KHDRBS3: variants seen among roughly 807,000 people sequenced by gnomAD.
KHDRBS3 encodes KH RNA binding domain containing, signal transduction associated 3, also known as KH domain-containing, RNA-binding, signal transduction-associated protein 3.
Under a neutral mutation model 45.6 loss-of-function variants are expected in KHDRBS3, and 23 were observed. That is an observed-to-expected ratio of 0.50 (90% confidence interval 0.36 to 0.72). The LOEUF (loss-of-function observed/expected upper bound fraction) is 0.72. Among genes scored for constraint, KHDRBS3 ranks in the 30% least tolerant of loss-of-function variants. The pLI is 0.00. For missense variants in KHDRBS3, 352 were observed against 424.8 expected (o/e 0.83, Z 1.51); for synonymous variants, 162 against 156.5 (o/e 1.04, Z -0.26).
At chr8:135,462,402 C>T (rs1036710753) in intron 1 of KHDRBS3, among the ~76,000 whole-genome samples, 2 of 152,162 alleles carry the variant, frequency 1.3e-5, no homozygotes, top group South Asian at 4.1e-4. Flanking sequence ...CATGCTGGTT[C>T]TCTGTGTTGG....
At position 135,603,867 on chromosome 8, in the gene KHDRBS3, T is replaced by C. The variant is rs144671058; in HGVS notation, c.808-3088T>C. Among the ~76,000 whole-genome samples, 895 of 152,256 alleles carry C rather than the reference T, an allele frequency of 5.9e-3. 4 individuals are homozygous for C. The highest frequency in any genetic ancestry group is 0.02 in the African/African-American group (839 of 41,574). On this transcript the variant is annotated intron_variant, in intron 6 of 8. Transcript: ENST00000355849. ...ATGTTTCATGCGCAGTGGAGAAGAA[T>C]GTGTATTCGGTTCTTTTTGAGTAGT...
At chr8:135,644,647 C>G (rs1019014244) in intron 7 of KHDRBS3, among the ~76,000 whole-genome samples, 8 of 152,188 alleles carry the variant, frequency 5.3e-5, no homozygotes, top group African/African-American at 1.9e-4. Context: ...CCTCCTCCCC[C>G]ACTCCCACAG....
chr8:135,590,615 A>G (rs1828702663), intron 6 of KHDRBS3, among the ~76,000 whole-genome samples: 3 of 152,236 alleles, frequency 2.0e-5, no homozygotes, highest in Admixed American at 2.0e-4. Context: ...CTTTAATTGA[A>G]AAGTAAGTTA....
chr8:135,460,166 A>AT (rs1319651814), intron 1 of KHDRBS3, among the ~76,000 whole-genome samples: 1 of 152,122 alleles, frequency 6.6e-6, no homozygotes, highest in Non-Finnish European at 1.5e-5. Context: ...GTTATGGGCT[A>AT]TTTTTTCTTA....
intron 1 of KHDRBS3, among the ~76,000 whole-genome samples, chr8:135,491,983 C>T (rs1823177778): frequency 6.7e-6 from 1 of 149,926 alleles, no homozygotes; most frequent in Non-Finnish European, 1.5e-5. Flanking sequence ...CTTGATGGAG[C>T]AATAGAAATG....
intron 1 of KHDRBS3, among the ~76,000 whole-genome samples, chr8:135,494,284 T>A (rs1249523590): frequency 1.2e-4 from 16 of 134,768 alleles, no homozygotes; most frequent in South Asian, 2.5e-4. Context: ...TTTTTTTTTT[T>A]TTTTTTTTTT....
intron 1 of KHDRBS3, among the ~76,000 whole-genome samples, chr8:135,462,047 A>G (rs1273047428): frequency 1.3e-5 from 2 of 151,972 alleles, no homozygotes; most frequent in African/African-American, 2.4e-5. Flanking sequence ...ATTTTTGGGG[A>G]CCCCTTTTGG....
intron 1 of KHDRBS3, among the ~76,000 whole-genome samples, chr8:135,492,954 T>C (rs530426588): frequency 2.0e-4 from 30 of 152,302 alleles, no homozygotes; most frequent in Non-Finnish European, 3.4e-4. Flanking sequence ...TCCATGGACA[T>C]GGTATATGTC....
rs750094829 is a variant in KHDRBS3, at chr8:135,582,028, C to T, written c.762C>T (p.Tyr254=). ...CAAGAGGAGTCCCCCCAACTGGGTA[C>T]AGACCTCCACCGCCACCCCCGACAC... ...PRARGVPPTG[Y]RPPPPPPTQE... Residue 254 remains tyrosine (Y), a synonymous_variant, in exon 6 of 9, where the codon TAC becomes TAT. Transcript: ENST00000355849. 6.2e-7 allele frequency: 1 copy of T among 1,601,496 alleles called. No homozygotes were observed. Among genetic ancestry groups the T allele is most frequent in the Non-Finnish European group, 8.5e-7 (1 of 1,172,342 alleles).
chr8:135,582,200 G>A, intron 6 of KHDRBS3, 127 bp downstream of exon 6: 2 of 939,394 alleles, frequency 2.1e-6, no homozygotes, highest in East Asian at 6.1e-5. Flanking sequence ...CTTTGTTTCA[G>A]CAAATATTTA....
chr8:135,512,281 T>G (rs1379017389), intron 1 of KHDRBS3, among the ~76,000 whole-genome samples: 1 of 152,202 alleles, frequency 6.6e-6, no homozygotes, highest in East Asian at 1.9e-4. Flanking sequence ...AAAAACAATT[T>G]AAATACTCCA....
intron 7 of KHDRBS3, among the ~76,000 whole-genome samples, chr8:135,630,513 G>A (rs1053209956): frequency 1.3e-5 from 2 of 152,288 alleles, no homozygotes; most frequent in African/African-American, 2.4e-5. Flanking sequence ...ATATACAGAT[G>A]TGTTGCTTAA....
intron 7 of KHDRBS3, chr8:135,625,096 T>C: frequency 1.4e-6 from 1 of 727,838 alleles, no homozygotes; most frequent in South Asian, 2.0e-5. Context: ...AACCAGTGAG[T>C]CCTCTAAGGA....
rs1365598260 is a variant in KHDRBS3 at position 135,542,722 on chromosome 8, G to A, written c.276G>A (p.Leu92=). ...TGAAGCGTTTACAAGAAGAAACCTT[G>A]ACAAAAATGTCCATCCTTGGGAAAG... ...NSLKRLQEET[L]TKMSILGKGS... is the part of the protein sequence containing the mutation. Residue 92 remains leucine, a synonymous_variant, in exon 3 of 9, where the codon TTG becomes TTA. Coordinates refer to ENST00000355849, the MANE Select transcript of KHDRBS3 (RefSeq NM_006558.3). 1 of 1,613,774 alleles carries A rather than the reference G, an allele frequency of 6.2e-7. No homozygotes were observed. Among genetic ancestry groups the A allele is most frequent in the Non-Finnish European group, 8.5e-7 (1 of 1,179,758 alleles).
chr8:135,523,809 T>C (rs571102507), intron 2 of KHDRBS3, among the ~76,000 whole-genome samples: 1 of 152,216 alleles, frequency 6.6e-6, no homozygotes, highest in African/African-American at 2.4e-5. Flanking sequence ...TGATCCTCGG[T>C]GGTAAATTTT....
At chr8:135,604,764 A>C (rs569617141) in intron 6 of KHDRBS3, among the ~76,000 whole-genome samples, 46 of 151,868 alleles carry the variant, frequency 3.0e-4, no homozygotes, top group Non-Finnish European at 6.2e-4. Context: ...GAAGGAAAAG[A>C]GTTACAAATA....
chr8:135,499,981 A>G (rs940393117), intron 1 of KHDRBS3, among the ~76,000 whole-genome samples: 1 of 152,228 alleles, frequency 6.6e-6, no homozygotes, highest in African/African-American at 2.4e-5. Context: ...TACAGTTTAC[A>G]GTTGCAAGTT....
intron 6 of KHDRBS3, among the ~76,000 whole-genome samples, chr8:135,588,329 G>A (rs1828579383): frequency 6.6e-6 from 1 of 152,246 alleles, no homozygotes; most frequent in Middle Eastern, 3.4e-3. Flanking sequence ...AAGGTGTTGG[G>A]GAGGGCATTC....
chr8:135,642,228 A>G (rs191117803), intron 7 of KHDRBS3, among the ~76,000 whole-genome samples: 1 of 152,356 alleles, frequency 6.6e-6, no homozygotes, highest in Non-Finnish European at 1.5e-5. Flanking sequence ...AGCAAAAGCC[A>G]CCTGTAGCAT....
Sources: allele counts gnomAD v4.1 joint callset (sites outside exome capture counted in the v4.1 genomes callset), GRCh38; gene constraint gnomAD v4.1.1; transcripts MANE v1.5; gene names NCBI Gene and HGNC (gene_info 2026-07-23, HGNC 2026-07-21).